The following HDAC4 variants were observed in gnomAD, a reference collection of about 807,000 sequenced individuals.
The protein encoded by HDAC4 is histone deacetylase 4.
HDAC4 carries 16 observed loss-of-function variants against 135.1 expected under a neutral mutation model. The ratio of observed to expected loss-of-function variants is 0.12; its 90% CI spans 0.08 to 0.18. The LOEUF is 0.18. HDAC4 is among the 10% of genes least tolerant of loss of function. The pLI, the probability that HDAC4 is intolerant of heterozygous loss-of-function variation, is 1.00. For missense variants in HDAC4, 1,143 were observed against 1,511.8 expected (o/e 0.76, Z 4.05); for synonymous variants, 685 against 653.4 (o/e 1.05, Z -0.74).
chr2:239,172,342 C>T (rs962300879), intron 5 of HDAC4, among the ~76,000 whole-genome samples: 8 of 143,440 alleles, frequency 5.6e-5, no homozygotes, highest in African/African-American at 7.8e-5. Context: ...ACACTAAAGG[C>T]AAGACAAGTG....
At chr2:239,153,347 C>G (rs902220124) in intron 7 of HDAC4, among the ~76,000 whole-genome samples, 6 of 152,214 alleles carry the variant, frequency 3.9e-5, no homozygotes, top group African/African-American at 1.4e-4. Context: ...AAATCAAAAT[C>G]ATATAATTAT....
intron 24 of HDAC4, chr2:239,055,036 G>A: frequency 2.0e-6 from 1 of 502,578 alleles, no homozygotes; most frequent in Non-Finnish European, 3.6e-6. Context: ...TTTTTTTTAG[G>A]ACGCTATAAG....
At chr2:239,375,005 A>G (rs998402779) in intron 1 of HDAC4, among the ~76,000 whole-genome samples, 1 of 152,166 alleles carries the variant, frequency 6.6e-6, no homozygotes, top group Non-Finnish European at 1.5e-5. Context: ...CTGCCAGGGC[A>G]CCTGGACGGG....
chr2:239,363,237 C>T lies in HDAC4; in HGVS notation c.-219-10319G>A, dbSNP rs72994568. ...CGATGTCAATGTTTTGCAAAGTAAT[C>T]GGCAGTCAATGCAATCGCAATCAAA... On this transcript the variant is annotated intron_variant, in intron 1 of 26. Coordinates refer to ENST00000543185, the MANE Select transcript of HDAC4 (RefSeq NM_001378414.1). 1.4e-3 allele frequency among the ~76,000 whole-genome samples: 210 copies of T among 152,236 alleles called. 1 individual carries two copies. Among genetic ancestry groups the T allele is most frequent in the Admixed American group, 2.0e-3 (31 of 15,300 alleles).
chr2:239,172,876 CA>C (rs1486609874), intron 5 of HDAC4, among the ~76,000 whole-genome samples: 1 of 151,850 alleles, frequency 6.6e-6, no homozygotes, highest in Non-Finnish European at 1.5e-5. Flanking sequence ...GACATGACAC[CA>C]AAAACCACTA....
At chr2:239,363,885 A>G (rs1694008715) in intron 1 of HDAC4, among the ~76,000 whole-genome samples, 1 of 152,250 alleles carries the variant, frequency 6.6e-6, no homozygotes, top group Non-Finnish European at 1.5e-5. Flanking sequence ...AAAAAGGCAG[A>G]CAACCTGAAT....
At chr2:239,118,776 A>G (rs2039371351) in intron 12 of HDAC4, among the ~76,000 whole-genome samples, 1 of 152,098 alleles carries the variant, frequency 6.6e-6, no homozygotes, top group Non-Finnish European at 1.5e-5. Context: ...CAACTAAGGA[A>G]TCTAGCAACA....
intron 2 of HDAC4, among the ~76,000 whole-genome samples, chr2:239,345,127 C>T (rs532613499): frequency 6.6e-6 from 1 of 152,190 alleles, no homozygotes; most frequent in South Asian, 2.1e-4. Context: ...TTCTCATTAC[C>T]TCCCGCCACC....
rs529778347 is a variant in HDAC4, at chr2:239,262,036, T to G, written c.23-25372A>C. On this transcript the variant is annotated intron_variant, in intron 2 of 26. Coordinates refer to ENST00000543185, the MANE Select transcript of HDAC4 (RefSeq NM_001378414.1). This position sits in a 1 kb window ranked among gnomAD's most constrained non-coding sequence, Gnocchi z 4.1. ...CAGACACAGAGGCCCTAGGTGGGAATCCAGCAGGGTGGCATCTGCCCCCTT... is the reference window on the plus strand; with the variant it reads ...CAGACACAGAGGCCCTAGGTGGGAAGCCAGCAGGGTGGCATCTGCCCCCTT... Among the ~76,000 whole-genome samples, 53 of 152,274 alleles carry G rather than the reference T, an allele frequency of 3.5e-4. 1 individual carries two copies. Among genetic ancestry groups the G allele is most frequent in the African/African-American group, 1.3e-3 (52 of 41,556 alleles).
chr2:239,127,338 T>A (rs2040262659), intron 11 of HDAC4, among the ~76,000 whole-genome samples: 1 of 152,252 alleles, frequency 6.6e-6, no homozygotes, highest in African/African-American at 2.4e-5. Flanking sequence ...CAACCCTGTA[T>A]GTTTTGATTA....
intron 3 of HDAC4, among the ~76,000 whole-genome samples, chr2:239,217,152 G>A (rs879529054): frequency 7.2e-5 from 11 of 152,158 alleles, no homozygotes; most frequent in Admixed American, 5.9e-4. Context: ...GCTCCAAAGG[G>A]GACCCGCTGG....
intron 24 of HDAC4, among the ~76,000 whole-genome samples, chr2:239,060,064 T>G (rs906872878): frequency 6.6e-6 from 1 of 152,208 alleles, no homozygotes; most frequent in Non-Finnish European, 1.5e-5. Context: ...GTCCCAGTCC[T>G]CCGCCGGTGG....
At chr2:239,092,632 C>T (rs927735711) in intron 17 of HDAC4, among the ~76,000 whole-genome samples, 1 of 152,182 alleles carries the variant, frequency 6.6e-6, no homozygotes, top group Admixed American at 6.5e-5. Flanking sequence ...CCCAGCCAAA[C>T]TGCAGGACCC....
At chr2:239,383,212 C>CTGG (rs1695543673) in intron 1 of HDAC4, among the ~76,000 whole-genome samples, 1 of 152,198 alleles carries the variant, frequency 6.6e-6, no homozygotes, top group African/African-American at 2.4e-5. Context: ...ACCCCTGACC[C>CTGG]TGGCTCCAGC....
At chr2:239,374,788 C>A (rs1179039789) in intron 1 of HDAC4, among the ~76,000 whole-genome samples, 1 of 152,126 alleles carries the variant, frequency 6.6e-6, no homozygotes, top group Non-Finnish European at 1.5e-5. Flanking sequence ...ATCAGAAGAT[C>A]TCAAATTTCA....
In HDAC4 at chr2:239,307,360, C is replaced by T. The variant is rs2052653192; in HGVS notation, c.22+45318G>A. Among the ~76,000 whole-genome samples, 3 of 152,304 alleles carry T rather than the reference C, an allele frequency of 2.0e-5. No individual in the cohort carries two copies. Among genetic ancestry groups the T allele is most frequent in the African/African-American group, 7.2e-5 (3 of 41,578 alleles). ...GGAGCCGGAGGCCCCAACACAAGAG[C>T]GGCTCTCCGTGATGCCCAGAGGCGG... On this transcript the variant is annotated intron_variant, in intron 2 of 26. Coordinates refer to ENST00000543185, the MANE Select transcript of HDAC4 (RefSeq NM_001378414.1). The surrounding 1 kb of genome is among the most constrained non-coding windows in gnomAD (Gnocchi z 4.8).
chr2:239,340,258 G>C (rs952575114), intron 2 of HDAC4, among the ~76,000 whole-genome samples: 3 of 152,188 alleles, frequency 2.0e-5, no homozygotes, highest in Non-Finnish European at 2.9e-5. Context: ...AGCCCCACCC[G>C]TCTTCCTGAA....
intron 1 of HDAC4, among the ~76,000 whole-genome samples, chr2:239,379,896 T>C (rs1323767520): frequency 2.6e-5 from 4 of 151,938 alleles, no homozygotes; most frequent in African/African-American, 4.8e-5. Flanking sequence ...ACACTGACAG[T>C]GGGATAGGGA....
intron 11 of HDAC4, among the ~76,000 whole-genome samples, chr2:239,130,786 TG>T (rs2040522583): frequency 6.6e-6 from 1 of 152,188 alleles, no homozygotes; most frequent in Non-Finnish European, 1.5e-5. Context: ...AAGCTCCTCC[TG>T]GGTCTTGGGG....
Sources: gnomAD v4.1 joint callset for allele counts (sites outside exome capture counted in the v4.1 genomes callset) on GRCh38, gnomAD v4.1.1 for gene constraint, Gnocchi (gnomAD v3.1) non-coding constraint, MANE v1.5 for transcripts, NCBI Gene and HGNC (gene_info 2026-07-23, HGNC 2026-07-21) for gene names.